KIAA1217: variants seen among roughly 807,000 people sequenced by gnomAD.
KIAA1217 encodes KIAA1217.
A neutral mutation model predicts 163.9 loss-of-function variants in KIAA1217; 88 were observed. The ratio of observed to expected loss-of-function variants is 0.54; its 90% CI spans 0.45 to 0.64. The LOEUF (loss-of-function observed/expected upper bound fraction) is 0.64. Among genes scored for constraint, KIAA1217 ranks in the 30% least tolerant of loss-of-function variants. The probability of loss-of-function intolerance (pLI) is 0.00; values close to 1 mark genes in which losing one functional copy is unlikely to be tolerated. For missense variants in KIAA1217, 2,372 were observed against 2,475.0 expected, an observed-to-expected ratio of 0.96 and a Z score of 0.88; for synonymous variants, 903 against 923.1, an observed-to-expected ratio of 0.98 and a Z score of 0.39.
At chr10:24,131,307 T>C (rs1056999438) in intron 2 of KIAA1217, among the ~76,000 whole-genome samples, 10 of 152,348 alleles carry the variant, frequency 6.6e-5, no homozygotes, top group Admixed American at 1.3e-4. Context: ...AAATTCAACC[T>C]TGGAGCTTCA....
chr10:24,352,147 C>A (rs1199232457), intron 2 of KIAA1217, among the ~76,000 whole-genome samples: 1 of 152,172 alleles, frequency 6.6e-6, no homozygotes, highest in Non-Finnish European at 1.5e-5. Context: ...ATTGCAGTCT[C>A]TGCTGGGGTG....
intron 1 of KIAA1217, among the ~76,000 whole-genome samples, chr10:23,774,901 T>C (rs1834945167): frequency 6.6e-6 from 1 of 152,210 alleles, no homozygotes. Flanking sequence ...TAAGTTTTGA[T>C]CATCATACAT....
intron 6 of KIAA1217, chr10:24,481,975 A>C (rs926419439): frequency 1.3e-5 from 2 of 152,212 alleles, no homozygotes; most frequent in African/African-American, 2.4e-5. Flanking sequence ...CAGTCTCAGA[A>C]ATCAAGTGCT....
intron 2 of KIAA1217, among the ~76,000 whole-genome samples, chr10:24,220,932 A>G (rs1290819407): frequency 6.6e-6 from 1 of 151,350 alleles, no homozygotes; most frequent in Non-Finnish European, 1.5e-5. Context: ...CTCATTTTTT[A>G]TTTTTGGTAG....
chr10:23,987,617 GTGTGTGTA>G (rs987520191), intron 1 of KIAA1217, among the ~76,000 whole-genome samples: 10 of 73,282 alleles, frequency 1.4e-4, no homozygotes, highest in African/African-American at 4.7e-4. Context: ...GTGTGTGTGT[GTGTGTGTA>G]TGTGTACGTG....
At chr10:23,861,640 C>T (rs541899527) in intron 1 of KIAA1217, among the ~76,000 whole-genome samples, 2 of 152,174 alleles carry the variant, frequency 1.3e-5, no homozygotes, top group Admixed American at 6.5e-5. Context: ...CAGACATACT[C>T]GACTCAATGT....
chr10:23,868,186 T>G (rs561348456), intron 1 of KIAA1217, among the ~76,000 whole-genome samples: 2 of 152,222 alleles, frequency 1.3e-5, no homozygotes, highest in African/African-American at 4.8e-5. Context: ...CAGCCCTGTT[T>G]GTCTTTGTGT....
At chr10:23,703,834 C>A (rs1214909823) in intron 1 of KIAA1217, among the ~76,000 whole-genome samples, 1 of 151,918 alleles carries the variant, frequency 6.6e-6, no homozygotes, top group Non-Finnish European at 1.5e-5. Flanking sequence ...ATATTTTAGA[C>A]TTTGCAGTCC....
Position 24,545,877 on chromosome 10 carries a change from C to G in KIAA1217, c.5385C>G (p.Pro1795=), listed in dbSNP as rs1035556238. The G allele has an allele frequency of 1.2e-6, 2 of 1,613,414 alleles. No individual in the cohort carries two copies. The highest frequency in any genetic ancestry group is 1.7e-5 in the Admixed American group (1 of 59,980). ...KSGGDFKPTS[P]SLPASKIPAL... ...GTGGGGACTTTAAGCCTACTTCCCC[C>G]TCCTTACCTGCTTCTAAGATTCCAG... is the stretch of plus-strand genomic sequence containing the variant. Residue 1795 remains proline, a synonymous_variant, in exon 21 of 21, where the codon CCC becomes CCG. Coordinates refer to ENST00000376454, the MANE Select transcript of KIAA1217 (RefSeq NM_019590.5).
chr10:23,696,280 G>A lies in KIAA1217; in HGVS notation c.-321+1046G>A, dbSNP rs1456227047. 5.3e-5 allele frequency among the ~76,000 whole-genome samples: 8 copies of A among 152,320 alleles called. No homozygotes were observed. In the East Asian group the frequency reaches 1.5e-3, roughly 29 times the overall value. On this transcript the variant is annotated intron_variant, in intron 1 of 18. Coordinates refer to the KIAA1217 transcript ENST00000376462. Reference sequence around the variant, plus strand: ...AGGCGAGGACGGCGTGGGCCAGCTCGCCTACCCTGCTCTCACCTGGGGAGG... The same window carrying A: ...AGGCGAGGACGGCGTGGGCCAGCTCACCTACCCTGCTCTCACCTGGGGAGG...
intron 6 of KIAA1217, among the ~76,000 whole-genome samples, chr10:24,480,237 A>G (rs548585878): frequency 5.9e-5 from 9 of 152,340 alleles, no homozygotes; most frequent in African/African-American, 2.2e-4. Context: ...TACTTTTAAT[A>G]AAATAGAGAA....
At chr10:23,744,388 T>C (rs1053818200) in intron 1 of KIAA1217, among the ~76,000 whole-genome samples, 12 of 152,168 alleles carry the variant, frequency 7.9e-5, no homozygotes, top group African/African-American at 2.9e-4. Flanking sequence ...TAGAGCCAGC[T>C]GAACTGCCTA....
chr10:23,902,982 G>A (rs938528474), intron 1 of KIAA1217, among the ~76,000 whole-genome samples: 19 of 152,096 alleles, frequency 1.2e-4, no homozygotes, highest in African/African-American at 4.6e-4. Flanking sequence ...TAAGCAGGGT[G>A]TAGCGTTGGA....
intron 6 of KIAA1217, among the ~76,000 whole-genome samples, chr10:24,488,432 G>T (rs961401476): frequency 6.6e-6 from 1 of 152,150 alleles, no homozygotes; most frequent in Non-Finnish European, 1.5e-5. Flanking sequence ...GAGACAGAAC[G>T]TAGCCAGTCT....
chr10:24,366,780 G>A (rs1263124395), intron 2 of KIAA1217, among the ~76,000 whole-genome samples: 2 of 152,196 alleles, frequency 1.3e-5, no homozygotes, highest in African/African-American at 4.8e-5. Context: ...ATTTCATTTG[G>A]GTTGGGCAGG....
chr10:24,319,624 C>T (rs181459168), intron 2 of KIAA1217, among the ~76,000 whole-genome samples: 261 of 152,224 alleles, frequency 1.7e-3, no homozygotes, highest in African/African-American at 5.6e-3. Context: ...AGAAGAGGCC[C>T]GGGGGCTAGA....
chr10:24,071,061 C>T (rs756368330), intron 2 of KIAA1217, among the ~76,000 whole-genome samples: 1 of 152,002 alleles, frequency 6.6e-6, no homozygotes, highest in East Asian at 1.9e-4. Context: ...CTAATGAGAC[C>T]AATTGAAGGG....
intron 2 of KIAA1217, among the ~76,000 whole-genome samples, chr10:24,300,979 A>T (rs1224576742): frequency 2.0e-5 from 3 of 151,988 alleles, no homozygotes; most frequent in Non-Finnish European, 4.4e-5. Context: ...CGCCCGGCTG[A>T]TTTTTGTATT....
intron 2 of KIAA1217, among the ~76,000 whole-genome samples, chr10:24,377,268 T>C (rs779072498): frequency 3.9e-5 from 6 of 152,186 alleles, no homozygotes; most frequent in Non-Finnish European, 8.8e-5. Flanking sequence ...AAGGTTGTGA[T>C]GGAAACAGAG....
Sources: allele counts gnomAD v4.1 joint callset (sites outside exome capture counted in the v4.1 genomes callset), GRCh38; gene constraint gnomAD v4.1.1; transcripts MANE v1.5; gene names NCBI Gene and HGNC (gene_info 2026-07-23, HGNC 2026-07-21).